The following IRAK2 variants were observed in gnomAD, a reference collection of about 807,000 sequenced individuals.
IRAK2 encodes the protein interleukin 1 receptor associated kinase 2, also known as interleukin-1 receptor-associated kinase-like 2.
A neutral mutation model predicts 72.0 loss-of-function variants in IRAK2; 57 were observed. The observed-to-expected ratio is 0.79, with a 90% CI of 0.64 to 0.99. The LOEUF (loss-of-function observed/expected upper bound fraction) is 0.99, where lower values mean the gene tolerates loss of function less well. Among genes scored for constraint, IRAK2 ranks in the 50% least tolerant of loss-of-function variants. The pLI is 0.00. For synonymous variants in IRAK2, 293 were observed against 312.7 expected, an observed-to-expected ratio of 0.94 and a Z score of 0.67; for missense variants, 790 against 794.4, an observed-to-expected ratio of 0.99 and a Z score of 0.07.
intron 2 of IRAK2, among the ~76,000 whole-genome samples, chr3:10,188,295 A>G (rs1697111814): frequency 6.6e-6 from 1 of 152,184 alleles, no homozygotes; most frequent in Non-Finnish European, 1.5e-5. Context: ...GGATTTAGAT[A>G]TGCAGGAGCT....
At chr3:10,189,068 T>C (rs902662327) in intron 2 of IRAK2, among the ~76,000 whole-genome samples, 1 of 152,154 alleles carries the variant, frequency 6.6e-6, no homozygotes, top group Admixed American at 6.5e-5. Flanking sequence ...CAGTGGGAGA[T>C]GAATTATAAG....
chr3:10,187,611 T>C (rs1697098094), intron 2 of IRAK2, among the ~76,000 whole-genome samples: 1 of 151,856 alleles, frequency 6.6e-6, no homozygotes, highest in African/African-American at 2.4e-5. Flanking sequence ...AAACCCCGCA[T>C]ACTTTATCAC....
intron 2 of IRAK2, among the ~76,000 whole-genome samples, chr3:10,190,699 A>G (rs1347616028): frequency 1.3e-5 from 2 of 152,176 alleles, no homozygotes; most frequent in Non-Finnish European, 2.9e-5. Context: ...TCTTACAACT[A>G]GTCTCCTCCA....
At chr3:10,203,090 G>A (rs999454989) in intron 3 of IRAK2, among the ~76,000 whole-genome samples, 3 of 152,006 alleles carry the variant, frequency 2.0e-5, no homozygotes, top group South Asian at 2.1e-4. Flanking sequence ...TTTGCCTCCC[G>A]GGTTCAAGCG....
intron 2 of IRAK2, among the ~76,000 whole-genome samples, chr3:10,181,945 ATTTTCTTTTTTTTCT>A (rs894393475): frequency 6.8e-6 from 1 of 147,136 alleles, no homozygotes; most frequent in Non-Finnish European, 1.5e-5. Flanking sequence ...AGTAAGCATC[ATTTTCTTTTTTTTCT>A]TTTTCTTTTC....
intron 2 of IRAK2, among the ~76,000 whole-genome samples, chr3:10,179,034 T>C (rs1270419444): frequency 6.6e-6 from 1 of 152,194 alleles, no homozygotes; most frequent in Non-Finnish European, 1.5e-5. Context: ...TCCTCCTGCC[T>C]TGGCCTCCCA....
chr3:10,199,964 TG>T (rs1215430877), intron 2 of IRAK2, among the ~76,000 whole-genome samples: 1 of 149,770 alleles, frequency 6.7e-6, no homozygotes, highest in Non-Finnish European at 1.5e-5. Context: ...CTTGGCTCAC[TG>T]CAAGCTCCGC....
chr3:10,213,947 G>A (rs1697562592), intron 6 of IRAK2, among the ~76,000 whole-genome samples: 1 of 141,000 alleles, frequency 7.1e-6, no homozygotes, highest in South Asian at 2.2e-4. Flanking sequence ...TTTGTTTTTT[G>A]AGACAGAGTC....
chr3:10,187,673 A>G (rs1194221547), intron 2 of IRAK2, among the ~76,000 whole-genome samples: 1 of 152,244 alleles, frequency 6.6e-6, no homozygotes, highest in Non-Finnish European at 1.5e-5. Context: ...AGGCTCTGAT[A>G]CGTCCTGCAG....
Position 10,165,693 on chromosome 3 carries a change from A to C in IRAK2, c.94+645A>C, listed in dbSNP as rs187796941. Among the ~76,000 whole-genome samples, 164 of 122,026 alleles carry C rather than the reference A, an allele frequency of 1.3e-3. 1 individual carries two copies. The highest frequency in any genetic ancestry group is 5.0e-3 in the African/African-American group (157 of 31,508). 80.1% of individuals were successfully genotyped at this position (122,026 alleles called of 152,430 possible). On this transcript the variant is annotated intron_variant, in intron 1 of 12. Coordinates refer to ENST00000256458, the MANE Select transcript of IRAK2 (RefSeq NM_001570.4). ...GTATTTTCAGTAGAGACCGGGTTTC[A>C]CCATGTTGGCCAGACTGGTCTTGAA... is the stretch of plus-strand genomic sequence containing the variant.
chr3:10,209,679 C>G lies in IRAK2; in HGVS notation c.515C>G (p.Ser172Trp), dbSNP rs200255937. ...TCCTTGAGAAGCGACCTCCCCACTT[C>G]GTCTGATTCAAAGGTAAATCCACCC... ...PHSLRSDLPT[S>W]SDSKDFSTSI... The change falls in exon 4 of 13, where the codon TCG becomes TGG. Residue 172 changes from serine (S) to tryptophan (W), a missense_variant. By Grantham distance (177) the Ser-to-Trp change is radical (BLOSUM62 -3). Coordinates refer to ENST00000256458, the MANE Select transcript of IRAK2 (RefSeq NM_001570.4). The G allele has an allele frequency of 6.6e-7, 1 of 1,526,450 alleles. No individual in the cohort carries two copies. The highest frequency in any genetic ancestry group is 8.8e-7 in the Non-Finnish European group (1 of 1,138,150). The allele number at this position is 1,526,450 out of a possible 1,614,324, so 94.6% of individuals were successfully genotyped here. A position where few individuals can be genotyped will look rare whatever the true frequency, so the allele number is the denominator to read the frequency against.
At chr3:10,219,543 C>T (rs1285255855) in intron 7 of IRAK2, 137 bp from the exon 8 acceptor site, 5 of 637,960 alleles carry the variant, frequency 7.8e-6, no homozygotes, top group Non-Finnish European at 1.4e-5. Flanking sequence ...TGGTCTCGAT[C>T]TCCTGAACTA....
At chr3:10,235,868 C>T (rs1328487599) in intron 11 of IRAK2, among the ~76,000 whole-genome samples, 1 of 152,150 alleles carries the variant, frequency 6.6e-6, no homozygotes, top group Non-Finnish European at 1.5e-5. Context: ...TGTCACGTGG[C>T]AGGAGCTGGA....
In IRAK2 at chr3:10,200,623, G is replaced by A. The variant is rs958156554; in HGVS notation, c.424+108G>A. On this transcript the variant is annotated intron_variant, in intron 3 of 12. Coordinates refer to ENST00000256458, the MANE Select transcript of IRAK2 (RefSeq NM_001570.4). Reference sequence around the variant, plus strand: ...TATAAGAGCAAAAAATTGAGGCTGAGCATGGTGGCCCATGCCTATAATCCC... The same window carrying A: ...TATAAGAGCAAAAAATTGAGGCTGAACATGGTGGCCCATGCCTATAATCCC... 8.5e-6 allele frequency: 8 copies of A among 941,508 alleles called. 1 individual carries two copies. In the East Asian group the frequency reaches 2.3e-4, roughly 27 times the overall value. The allele number at this position is 941,508 out of a possible 1,614,324, so 58.3% of individuals were successfully genotyped here.
At chr3:10,184,895 ATTTTTTTATT>A (rs1410397254) in intron 2 of IRAK2, among the ~76,000 whole-genome samples, 1 of 131,580 alleles carries the variant, frequency 7.6e-6, no homozygotes, top group Non-Finnish European at 1.5e-5. Context: ...ATGCCCGGCT[ATTTTTTTATT>A]TTTTTTTATT....
In IRAK2 at chr3:10,234,654, C is replaced by T. The variant is rs772042595; in HGVS notation, c.1468C>T (p.Gln490Ter). 9.3e-6 allele frequency: 15 copies of T among 1,612,070 alleles called. No individual in the cohort carries two copies. Among genetic ancestry groups the T allele is most frequent in the Non-Finnish European group, 1.2e-5 (14 of 1,179,256 alleles). Residue 490 changes from glutamine to a stop codon, truncating the protein, a stop_gained, in exon 11 of 13, where the codon CAG (glutamine) becomes TAG (stop). Transcript: ENST00000256458. LOFTEE classifies it high-confidence loss of function. ...CCTGCGGAGGCGTAACACCAGCCTG[C>T]AGGAGGTGAGCCTCGCCCGCAGCGG... ...LCLRRRNTSL[Q>*]EVCGSVAAVE...
chr3:10,216,520 G>C (rs1697607615), intron 6 of IRAK2, among the ~76,000 whole-genome samples: 1 of 152,126 alleles, frequency 6.6e-6, no homozygotes, highest in African/African-American at 2.4e-5. Flanking sequence ...GGTCAGAGAG[G>C]TAGGAGGAAA....
rs369062069 is a variant in IRAK2 at position 10,186,710 on chromosome 3, AG to A, written c.277+8691del. 1.7e-3 allele frequency among the ~76,000 whole-genome samples: 255 copies of A among 150,962 alleles called. 10 individuals carry two copies. Among genetic ancestry groups the A allele is most frequent in the African/African-American group, 5.1e-3 (209 of 40,674 alleles). The stretch of plus-strand genomic sequence containing the variant: ...TCCCTGCTGCTGAGGCAGACTCTTG[AG>A]ATCCCCCAAGATGGGGATTCTTGTT... On this transcript the variant is annotated intron_variant, in intron 2 of 12. Coordinates refer to ENST00000256458, the MANE Select transcript of IRAK2 (RefSeq NM_001570.4).
At chr3:10,198,286 C>T (rs1296339775) in intron 2 of IRAK2, among the ~76,000 whole-genome samples, 1 of 152,244 alleles carries the variant, frequency 6.6e-6, no homozygotes, top group South Asian at 2.1e-4. Flanking sequence ...CCACTCATCA[C>T]CCCCCGACAT....
Sources: allele counts gnomAD v4.1 joint callset (sites outside exome capture counted in the v4.1 genomes callset), GRCh38; gene constraint gnomAD v4.1.1; transcripts MANE v1.5; gene names NCBI Gene and HGNC (gene_info 2026-07-23, HGNC 2026-07-21).